The following DISC1 variants were observed in gnomAD, a reference collection of about 807,000 sequenced individuals.
The protein encoded by DISC1 is DISC1 scaffold protein, also known as disrupted in schizophrenia 1 protein.
Under a neutral mutation model 84.5 loss-of-function variants are expected in DISC1, and 57 were observed. The observed-to-expected ratio is 0.67, with a 90% confidence interval of 0.55 to 0.84. DISC1 has a LOEUF of 0.84. Among genes scored for constraint, DISC1 ranks in the 40% least tolerant of loss-of-function variants. The pLI is 0.00. For synonymous variants in DISC1, 411 were observed against 415.2 expected, an observed-to-expected ratio of 0.99 and a Z score of 0.12; for missense variants, 1,000 against 1,057.8, an observed-to-expected ratio of 0.95 and a Z score of 0.76.
chr1:231,684,727 CAATT>C (rs765336530), intron 1 of DISC1: 2 of 152,252 alleles, frequency 1.3e-5, no homozygotes, highest in East Asian at 3.9e-4. Flanking sequence ...AGACTGTAGA[CAATT>C]AAATAAAAAG....
At chr1:231,785,257 T>TTTTA (rs71573142) in intron 6 of DISC1, among the ~76,000 whole-genome samples, 3,490 of 104,280 alleles carry the variant, frequency 0.033, 63 homozygotes, top group Non-Finnish European at 0.054. Flanking sequence ...GTGTGTGTTA[T>TTTTA]TTTATTTATT....
chr1:231,740,222 A>G (rs1367061299), intron 3 of DISC1, among the ~76,000 whole-genome samples: 1 of 152,176 alleles, frequency 6.6e-6, no homozygotes. Context: ...ACCAACCGAC[A>G]TAGACAAGGA....
rs1176570458 is a variant in DISC1, at chr1:232,031,418, A to G, written c.2425+4866A>G. On this transcript the variant is annotated intron_variant, in intron 12 of 12. Coordinates refer to ENST00000439617, the MANE Select transcript of DISC1 (RefSeq NM_018662.3). This position sits in a 1 kb window ranked among gnomAD's most constrained non-coding sequence, Gnocchi z 4.6. ...AGAAGGGAAGAAGGGAAGGGAGAAG[A>G]GACAAGGGAAAGGAGAAGGGAAAAG... 6.7e-6 allele frequency among the ~76,000 whole-genome samples: 1 copy of G among 149,396 alleles called. No homozygotes were observed. Among genetic ancestry groups the G allele is most frequent in the Non-Finnish European group, 1.5e-5 (1 of 67,244 alleles).
chr1:231,684,375 A>G (rs1014789950), intron 1 of DISC1, among the ~76,000 whole-genome samples: 1 of 152,144 alleles, frequency 6.6e-6, no homozygotes, highest in African/African-American at 2.4e-5. Flanking sequence ...TTTAATATAT[A>G]ATTACACATA....
intron 3 of DISC1, among the ~76,000 whole-genome samples, chr1:231,722,218 C>G (rs540768920): frequency 1.9e-4 from 28 of 149,150 alleles, no homozygotes; most frequent in African/African-American, 6.4e-4. Context: ...TATTTGGAAA[C>G]TATTGTTGAG....
chr1:232,031,567 T>C lies in DISC1; in HGVS notation c.2425+5015T>C, dbSNP rs1439068408. Among the ~76,000 whole-genome samples the C allele has an allele frequency of 1.3e-5, 2 of 152,162 alleles. No homozygotes were observed. The highest frequency in any genetic ancestry group is 2.9e-5 in the Non-Finnish European group (2 of 68,036). On this transcript the variant is annotated intron_variant, in intron 12 of 12. Coordinates refer to ENST00000439617, the MANE Select transcript of DISC1 (RefSeq NM_018662.3). The surrounding 1 kb of genome is among the most constrained non-coding windows in gnomAD (Gnocchi z 4.6). ...ACCCAGAGCCTAAGATGACAGTATC[T>C]AAAGCTTTGTGTGTGATGGGCTGGT...
intron 2 of DISC1, among the ~76,000 whole-genome samples, chr1:231,697,522 C>G (rs922832324): frequency 6.6e-6 from 1 of 151,830 alleles, no homozygotes; most frequent in Admixed American, 6.6e-5. Flanking sequence ...TCACTGCAAC[C>G]TTGAACTCCT....
chr1:231,642,188 C>T (rs960563736), intron 1 of DISC1, among the ~76,000 whole-genome samples: 3 of 152,162 alleles, frequency 2.0e-5, no homozygotes, highest in African/African-American at 7.2e-5. Context: ...CGGGGCCGGC[C>T]GGCCACTCCG....
chr1:231,710,503 A>G (rs1016563245), intron 3 of DISC1, among the ~76,000 whole-genome samples: 1 of 152,256 alleles, frequency 6.6e-6, no homozygotes, highest in Admixed American at 6.5e-5. Context: ...TATCCTTAAC[A>G]GGAAGGATGT....
rs2079117821 is a variant in DISC1, at chr1:231,800,218, G to T, written c.1792+8G>T. The stretch of plus-strand genomic sequence containing the variant: ...AAATGCATGCCATATCAGGTAACTG[G>T]CAGTGTAGGAGACGTTGAAGCTATC... On this transcript the variant is annotated splice_region_variant and intron_variant, in intron 8 of 12. Transcript: ENST00000439617. 4 of 1,606,906 alleles carry T rather than the reference G, an allele frequency of 2.5e-6. No individual in the cohort carries two copies. Among genetic ancestry groups the T allele is most frequent in the Non-Finnish European group, 3.4e-6 (4 of 1,175,088 alleles).
intron 9 of DISC1, among the ~76,000 whole-genome samples, chr1:231,838,538 A>G (rs528609816): frequency 6.6e-6 from 1 of 152,358 alleles, no homozygotes; most frequent in East Asian, 1.9e-4. Flanking sequence ...GCAAGAATAT[A>G]GAAAAGGACT....
intron 9 of DISC1, among the ~76,000 whole-genome samples, chr1:231,842,979 G>A (rs1173253203): frequency 6.6e-6 from 1 of 152,060 alleles, no homozygotes; most frequent in Non-Finnish European, 1.5e-5. Context: ...CTACGTGCCG[G>A]GCTGTGTCTG....
chr1:231,692,657 C>T (rs1401838675), intron 1 of DISC1, among the ~76,000 whole-genome samples: 1 of 152,166 alleles, frequency 6.6e-6, no homozygotes, highest in East Asian at 1.9e-4. Flanking sequence ...TACAGCTGTG[C>T]CTAGTGCTGC....
At chr1:232,004,972 C>T (rs528387106) in intron 10 of DISC1, among the ~76,000 whole-genome samples, 3 of 109,822 alleles carry the variant, frequency 2.7e-5, no homozygotes, top group African/African-American at 8.8e-5. Context: ...TTCCTTCTTC[C>T]CTTCCTTCCA....
At chr1:231,654,198 GC>G (rs2125312447) in intron 1 of DISC1, among the ~76,000 whole-genome samples, 1 of 152,250 alleles carries the variant, frequency 6.6e-6, no homozygotes, top group South Asian at 2.1e-4. Flanking sequence ...GCCCTCTAGT[GC>G]CCTGCTGTTG....
intron 9 of DISC1, among the ~76,000 whole-genome samples, chr1:231,930,142 G>A (rs959823391): frequency 6.6e-6 from 1 of 152,210 alleles, no homozygotes; most frequent in Non-Finnish European, 1.5e-5. Context: ...TTAATAGAGA[G>A]TTTCAGAAAA....
In DISC1 at chr1:231,698,068, G is replaced by C. The variant is rs543160733; in HGVS notation, c.1047+3263G>C. On this transcript the variant is annotated intron_variant, in intron 2 of 12. Transcript: ENST00000439617. The surrounding 1 kb of genome is among the most constrained non-coding windows in gnomAD (Gnocchi z 4.9). ...TTATTCAGGCATGAGTTAGAGTGCTGTTGGCCAGAGTACAATGCTTATGGA... is the reference window on the plus strand; with the variant it reads ...TTATTCAGGCATGAGTTAGAGTGCTCTTGGCCAGAGTACAATGCTTATGGA... 6.6e-6 allele frequency among the ~76,000 whole-genome samples: 1 copy of C among 152,278 alleles called. No homozygotes were observed. The highest frequency in any genetic ancestry group is 6.5e-5 in the Admixed American group (1 of 15,308).
chr1:231,966,676 ACT>A (rs1661160146), intron 10 of DISC1, among the ~76,000 whole-genome samples: 1 of 152,176 alleles, frequency 6.6e-6, no homozygotes, highest in African/African-American at 2.4e-5. Flanking sequence ...CTTCATTCTA[ACT>A]CTACTTTTTT....
intron 1 of DISC1, among the ~76,000 whole-genome samples, chr1:231,676,477 A>G (rs531191799): frequency 2.0e-5 from 3 of 152,360 alleles, no homozygotes; most frequent in Non-Finnish European, 4.4e-5. Context: ...TAAAATCCAG[A>G]CATTTATGAC....
Sources: allele counts gnomAD v4.1 joint callset (sites outside exome capture counted in the v4.1 genomes callset), GRCh38; gene constraint gnomAD v4.1.1; non-coding constraint Gnocchi (gnomAD v3.1); transcripts MANE v1.5; gene names NCBI Gene and HGNC (gene_info 2026-07-23, HGNC 2026-07-21).